KSR2: variants seen among roughly 807,000 people sequenced by gnomAD.
KSR2 encodes kinase suppressor of ras 2.
In KSR2, 25 loss-of-function variants were observed where a neutral mutation model predicts 107.8. That is an observed-to-expected ratio of 0.23 (90% CI 0.17 to 0.32). The LOEUF (loss-of-function observed/expected upper bound fraction) is 0.32, where lower values mean the gene tolerates loss of function less well. KSR2 is among the 10% of genes least tolerant of loss of function. KSR2 has a pLI of 1.00. For missense variants in KSR2, 887 were observed against 1,268.9 expected, an observed-to-expected ratio of 0.70 and a Z score of 4.57; for synonymous variants, 480 against 507.0, an observed-to-expected ratio of 0.95 and a Z score of 0.71.
intron 4 of KSR2, among the ~76,000 whole-genome samples, chr12:117,732,831 G>C (rs534296354): frequency 2.5e-4 from 38 of 152,268 alleles, no homozygotes; most frequent in Admixed American, 8.5e-4. Flanking sequence ...TTAAATTACT[G>C]AGTCCTAACG....
intron 1 of KSR2, among the ~76,000 whole-genome samples, chr12:117,878,622 A>AG (rs773463572): frequency 3.3e-4 from 51 of 152,256 alleles, no homozygotes; most frequent in Middle Eastern, 3.4e-3. Flanking sequence ...GCAGCCAGAG[A>AG]GACATGCTGC....
At chr12:117,692,577 A>G (rs940567703) in intron 4 of KSR2, among the ~76,000 whole-genome samples, 1 of 150,084 alleles carries the variant, frequency 6.7e-6, no homozygotes, top group Admixed American at 6.6e-5. Flanking sequence ...AGTTGAAAAT[A>G]GGTACTTAAA....
At chr12:117,919,328 G>T (rs1021865992) in intron 1 of KSR2, among the ~76,000 whole-genome samples, 2 of 152,142 alleles carry the variant, frequency 1.3e-5, no homozygotes, top group Non-Finnish European at 2.9e-5. Flanking sequence ...CTAAGCATAA[G>T]GTTGCTTTGC....
At chr12:117,653,044 A>G (rs1883968792) in intron 5 of KSR2, among the ~76,000 whole-genome samples, 1 of 152,204 alleles carries the variant, frequency 6.6e-6, no homozygotes, top group African/African-American at 2.4e-5. Flanking sequence ...ATCAAAAACA[A>G]TATTGCATCC....
At chr12:117,967,544 C>G (rs1401158235) in intron 1 of KSR2, among the ~76,000 whole-genome samples, 1 of 151,842 alleles carries the variant, frequency 6.6e-6, no homozygotes, top group Non-Finnish European at 1.5e-5. Context: ...AACAAAAAAT[C>G]TAAGGAGCAA....
intron 4 of KSR2, among the ~76,000 whole-genome samples, chr12:117,743,467 T>G (rs1387062922): frequency 6.6e-6 from 1 of 152,196 alleles, no homozygotes; most frequent in African/African-American, 2.4e-5. Context: ...TTCTTTGACT[T>G]GAGGTTTTCC....
At chr12:117,742,070 G>A (rs1213618199) in intron 4 of KSR2, among the ~76,000 whole-genome samples, 1 of 152,156 alleles carries the variant, frequency 6.6e-6, no homozygotes, top group African/African-American at 2.4e-5. Context: ...GATGCACTGA[G>A]AACACCACTT....
At chr12:117,528,408 C>A (rs1875375557) in intron 12 of KSR2, among the ~76,000 whole-genome samples, 1 of 152,006 alleles carries the variant, frequency 6.6e-6, no homozygotes, top group African/African-American at 2.4e-5. Flanking sequence ...ACAATGAATA[C>A]CCCACCCCTC....
At chr12:117,750,249 TAAA>T (rs34642697) in intron 4 of KSR2, among the ~76,000 whole-genome samples, 108 of 122,232 alleles carry the variant, frequency 8.8e-4, no homozygotes, top group Middle Eastern at 4.5e-3. Flanking sequence ...GACTCTGTCT[TAAA>T]AAAAAAAAAA....
In KSR2 at chr12:117,692,852, C is replaced by T. The variant is rs117234318; in HGVS notation, c.987-25194G>A. 2.2e-3 allele frequency among the ~76,000 whole-genome samples: 329 copies of T among 152,206 alleles called. 6 individuals carry two copies. In the East Asian group the frequency reaches 0.024, roughly 11 times the overall value. ...GAAATGTCTAAAACAGGCAAATCCA[C>T]AGAAATGGAATGCAGACTGGCAGTT... On this transcript the variant is annotated intron_variant, in intron 4 of 19. Coordinates refer to ENST00000339824, the MANE Select transcript of KSR2 (RefSeq NM_173598.6).
intron 1 of KSR2, among the ~76,000 whole-genome samples, chr12:117,950,804 G>C (rs1593397897): frequency 6.7e-6 from 1 of 149,958 alleles, no homozygotes; most frequent in African/African-American, 2.4e-5. Flanking sequence ...AAATACACTG[G>C]GGGAAAACAA....
intron 3 of KSR2, among the ~76,000 whole-genome samples, chr12:117,762,342 T>A (rs2136876383): frequency 6.6e-6 from 1 of 152,330 alleles, no homozygotes; most frequent in Non-Finnish European, 1.5e-5. Context: ...GCATACTTCC[T>A]CCAGATCTGT....
chr12:117,618,506 C>T (rs904150896), intron 5 of KSR2, among the ~76,000 whole-genome samples: 1 of 152,004 alleles, frequency 6.6e-6, no homozygotes, highest in Admixed American at 6.6e-5. Context: ...GGAGTCATGG[C>T]CTGATATGGT....
At chr12:117,497,490 C>A (rs1057255761) in intron 14 of KSR2, among the ~76,000 whole-genome samples, 1 of 152,140 alleles carries the variant, frequency 6.6e-6, no homozygotes, top group African/African-American at 2.4e-5. Flanking sequence ...CCACGCAGGG[C>A]AGCATCATCA....
intron 1 of KSR2, among the ~76,000 whole-genome samples, chr12:117,945,198 C>T (rs1028507048): frequency 1.3e-5 from 2 of 152,144 alleles, no homozygotes; most frequent in Admixed American, 1.3e-4. Flanking sequence ...AGGATCTAAA[C>T]ACCATCAACC....
chr12:117,832,407 G>A (rs943950135), intron 3 of KSR2, among the ~76,000 whole-genome samples: 1 of 152,168 alleles, frequency 6.6e-6, no homozygotes, highest in Non-Finnish European at 1.5e-5. Flanking sequence ...CTTTGCTAAT[G>A]GCTACAGATA....
chr12:117,574,949 G>C (rs937147218), intron 7 of KSR2, among the ~76,000 whole-genome samples: 1 of 151,156 alleles, frequency 6.6e-6, no homozygotes, highest in South Asian at 2.1e-4. Context: ...TCCAGGCTTC[G>C]GGAAGGGCTT....
At chr12:117,627,518 G>A (rs1352047432) in intron 5 of KSR2, among the ~76,000 whole-genome samples, 1 of 152,168 alleles carries the variant, frequency 6.6e-6, no homozygotes, top group Non-Finnish European at 1.5e-5. Flanking sequence ...TAAGAATGTT[G>A]AACATTGGCC....
intron 4 of KSR2, among the ~76,000 whole-genome samples, chr12:117,676,169 C>G (rs1236733910): frequency 6.6e-6 from 1 of 152,142 alleles, no homozygotes; most frequent in Non-Finnish European, 1.5e-5. Flanking sequence ...AAGTGTAACA[C>G]CAAGGGGATG....
Sources: gnomAD v4.1 joint callset for allele counts (sites outside exome capture counted in the v4.1 genomes callset) on GRCh38, gnomAD v4.1.1 for gene constraint, MANE v1.5 for transcripts, NCBI Gene and HGNC (gene_info 2026-07-23, HGNC 2026-07-21) for gene names.